CADM2: variants seen among roughly 807,000 people sequenced by gnomAD.
CADM2 encodes immunoglobulin superfamily member 4D.
In CADM2, 12 loss-of-function variants were observed where a neutral mutation model predicts 49.8. The observed-to-expected ratio is 0.24, with a 90% CI of 0.15 to 0.39. CADM2 has a LOEUF of 0.39. Ranked by LOEUF, CADM2 falls within the 10% of genes least tolerant of loss-of-function variation. The pLI is 1.00. For missense variants in CADM2, 378 were observed against 492.3 expected, an observed-to-expected ratio of 0.77 and a Z score of 2.20; for synonymous variants, 214 against 175.4, an observed-to-expected ratio of 1.22 and a Z score of -1.74.
intron 1 of CADM2, among the ~76,000 whole-genome samples, chr3:85,442,676 G>A (rs1042735127): frequency 7.6e-5 from 11 of 145,600 alleles, no homozygotes; most frequent in Admixed American, 4.1e-4. Flanking sequence ...AGAGTTCAGG[G>A]ATTGAAGATT....
chr3:85,505,476 T>TC (rs2040308045), intron 1 of CADM2, among the ~76,000 whole-genome samples: 1 of 152,160 alleles, frequency 6.6e-6, no homozygotes, highest in Non-Finnish European at 1.5e-5. Flanking sequence ...TCTCTGCTGT[T>TC]CATCAGAACC....
intron 1 of CADM2, among the ~76,000 whole-genome samples, chr3:85,558,669 T>A (rs1375406774): frequency 6.6e-6 from 1 of 152,100 alleles, no homozygotes; most frequent in African/African-American, 2.4e-5. Context: ...TTTTATTACC[T>A]AACTTGAGTC....
At chr3:85,442,804 T>A (rs1032115386) in intron 1 of CADM2, among the ~76,000 whole-genome samples, 1 of 151,334 alleles carries the variant, frequency 6.6e-6, no homozygotes, top group Non-Finnish European at 1.5e-5. Context: ...TGAAGAGAAC[T>A]TCCAATGAGA....
intron 1 of CADM2, among the ~76,000 whole-genome samples, chr3:85,000,802 CAA>C (rs1358768612): frequency 2.6e-5 from 4 of 151,612 alleles, no homozygotes; most frequent in Non-Finnish European, 5.9e-5. Flanking sequence ...TATACAGACA[CAA>C]ATACATATAT....
intron 1 of CADM2, among the ~76,000 whole-genome samples, chr3:85,425,235 T>C (rs2036347614): frequency 6.6e-6 from 1 of 152,232 alleles, no homozygotes; most frequent in Admixed American, 6.5e-5. Context: ...CAAAAGAGAA[T>C]GTTCAGCTAT....
At chr3:85,406,884 A>G (rs1390003120) in intron 1 of CADM2, among the ~76,000 whole-genome samples, 2 of 152,102 alleles carry the variant, frequency 1.3e-5, no homozygotes, top group Non-Finnish European at 2.9e-5. Context: ...TACATAGAAG[A>G]CATTATTTGA....
At chr3:85,886,624 C>G (rs1220568367) in intron 5 of CADM2, among the ~76,000 whole-genome samples, 1 of 152,200 alleles carries the variant, frequency 6.6e-6, no homozygotes, top group Non-Finnish European at 1.5e-5. Flanking sequence ...TAGATTCATA[C>G]TTCACAATAG....
At chr3:85,158,375 T>G (rs2040209174) in intron 1 of CADM2, among the ~76,000 whole-genome samples, 2 of 152,142 alleles carry the variant, frequency 1.3e-5, no homozygotes, top group South Asian at 4.1e-4. Flanking sequence ...CATGCTGTTG[T>G]AAAGACACAT....
At chr3:85,371,939 T>A (rs1296501059) in intron 1 of CADM2, among the ~76,000 whole-genome samples, 2 of 151,632 alleles carry the variant, frequency 1.3e-5, no homozygotes, top group Non-Finnish European at 2.9e-5. Flanking sequence ...ACTTGGTAGA[T>A]CTTGTGAAAA....
chr3:86,043,884 C>T (rs1448813909), intron 8 of CADM2, among the ~76,000 whole-genome samples: 2 of 152,120 alleles, frequency 1.3e-5, no homozygotes, highest in Non-Finnish European at 2.9e-5. Context: ...TGGAACAGAA[C>T]AGAGCCCTCA....
intron 1 of CADM2, among the ~76,000 whole-genome samples, chr3:85,602,813 T>C (rs562685692): frequency 2.8e-4 from 43 of 152,030 alleles, no homozygotes; most frequent in African/African-American, 1.0e-3. Context: ...AACTCTTCAG[T>C]ACAATTTGCA....
At chr3:85,098,837 G>A (rs994193001) in intron 1 of CADM2, among the ~76,000 whole-genome samples, 18 of 152,170 alleles carry the variant, frequency 1.2e-4, no homozygotes, top group Non-Finnish European at 2.4e-4. Context: ...CCGCGTATAA[G>A]TGGAGCCATG....
intron 5 of CADM2, among the ~76,000 whole-genome samples, chr3:85,907,188 T>G (rs1196109960): frequency 1.3e-5 from 2 of 152,198 alleles, no homozygotes; most frequent in African/African-American, 4.8e-5. Flanking sequence ...GCTCACTGGT[T>G]ATGGCACAAA....
chr3:85,406,513 T>C (rs527930515), intron 1 of CADM2, among the ~76,000 whole-genome samples: 1 of 152,308 alleles, frequency 6.6e-6, no homozygotes, highest in East Asian at 1.9e-4. Context: ...TAATCCTTGC[T>C]GTACGTGTTT....
intron 1 of CADM2, among the ~76,000 whole-genome samples, chr3:85,594,345 A>ATTAT (rs923679293): frequency 1.3e-4 from 20 of 151,940 alleles, no homozygotes; most frequent in Non-Finnish European, 2.7e-4. Flanking sequence ...ATTAACTGAA[A>ATTAT]TTATTTATTT....
At chr3:85,359,662 A>ATTTTTT (rs71108279) in intron 1 of CADM2, among the ~76,000 whole-genome samples, 5 of 25,936 alleles carry the variant, frequency 1.9e-4, no homozygotes, top group African/African-American at 2.4e-4. Context: ...ATATATATAT[A>ATTTTTT]TATATTTTTT....
chr3:85,658,025 G>A (rs545253209), intron 1 of CADM2, among the ~76,000 whole-genome samples: 18 of 152,080 alleles, frequency 1.2e-4, no homozygotes, highest in African/African-American at 4.3e-4. Context: ...GGGATTCATT[G>A]AAAATTCTTG....
At chr3:85,766,505 G>T (rs1463662598) in intron 2 of CADM2, among the ~76,000 whole-genome samples, 1 of 152,186 alleles carries the variant, frequency 6.6e-6, no homozygotes, top group South Asian at 2.1e-4. Flanking sequence ...CCACTATGTG[G>T]TAGAAGGATG....
chr3:85,118,175 T>G (rs546531403), intron 1 of CADM2, among the ~76,000 whole-genome samples: 1 of 152,186 alleles, frequency 6.6e-6, no homozygotes, highest in South Asian at 2.1e-4. Context: ...AACTTATTCA[T>G]CTGTTAATTC....
Sources: gnomAD v4.1 joint callset for allele counts (sites outside exome capture counted in the v4.1 genomes callset) on GRCh38, gnomAD v4.1.1 for gene constraint, MANE v1.5 for transcripts, NCBI Gene and HGNC (gene_info 2026-07-23, HGNC 2026-07-21) for gene names.